ZC3H6: variants seen among roughly 807,000 people sequenced by gnomAD.
ZC3H6 encodes the protein zinc finger CCCH domain-containing protein 6.
A neutral mutation model predicts 107.7 loss-of-function variants in ZC3H6; 40 were observed. The observed-to-expected ratio is 0.37, with a 90% confidence interval of 0.29 to 0.48. The LOEUF is 0.48. Ranked by LOEUF, ZC3H6 falls within the 20% of genes least tolerant of loss-of-function variation. ZC3H6 has a pLI of 0.98. For missense variants in ZC3H6, 1,267 were observed against 1,410.4 expected (o/e 0.90, Z 1.63); for synonymous variants, 493 against 487.9 (o/e 1.01, Z -0.14).
intron 1 of ZC3H6, among the ~76,000 whole-genome samples, chr2:112,281,707 G>A (rs1686528937): frequency 6.6e-6 from 1 of 152,186 alleles, no homozygotes; most frequent in African/African-American, 2.4e-5. Context: ...CATTGATAGA[G>A]TTGGATATAA....
rs1553493702 is a variant in ZC3H6 at position 112,308,404 on chromosome 2, T to TTTTATTTTATTTA, written c.337-1474_337-1473insTATTTATTTATTT. On this transcript the variant is annotated intron_variant, in intron 3 of 11. Coordinates refer to ENST00000409871, the MANE Select transcript of ZC3H6 (RefSeq NM_198581.3). ...TTTGCCAGAGTAGTATTTTATTTTA[T>TTTTATTTTATTTA]TTTATTTATTTATTTATTTATTTAT... Among the ~76,000 whole-genome samples the TTTTATTTTATTTA allele has an allele frequency of 1.4e-3, 190 of 138,306 alleles. 1 individual carries two copies. Among genetic ancestry groups the TTTTATTTTATTTA allele is most frequent in the African/African-American group, 5.1e-3 (184 of 36,296 alleles). 90.7% of individuals were successfully genotyped at this position (138,306 alleles called of 152,430 possible).
At position 112,335,743 on chromosome 2, in the gene ZC3H6, GCA is replaced by G. The variant is rs950076178; in HGVS notation, c.*3257_*3258del. On this transcript the variant is annotated 3_prime_UTR_variant, in exon 12 of 12. Coordinates refer to ENST00000409871, the MANE Select transcript of ZC3H6 (RefSeq NM_198581.3). ...AATTTTACGAAGCTTCAGATGACATGCACTGGTGACACAACAGTAGAATTTCC... is the reference window on the plus strand; with the variant it reads ...AATTTTACGAAGCTTCAGATGACATGCTGGTGACACAACAGTAGAATTTCC... The G allele has an allele frequency of 6.6e-6, 1 of 152,110 alleles. No individual in the cohort carries two copies. Among genetic ancestry groups the G allele is most frequent in the African/African-American group, 2.4e-5 (1 of 41,412 alleles). The allele number at this position is 152,110 out of a possible 1,614,324, so 9.4% of individuals were successfully genotyped here.
In ZC3H6 at chr2:112,335,323, C is replaced by T. The variant is rs1174940831; in HGVS notation, c.*2835C>T. On this transcript the variant is annotated 3_prime_UTR_variant, in exon 12 of 12. Coordinates refer to ENST00000409871, the MANE Select transcript of ZC3H6 (RefSeq NM_198581.3). ...CTTATGTTTCTGTTTATCCTTTAGC[C>T]ATGGAACTTTAAAGAGTAGTGTTCC... 1.3e-5 allele frequency: 2 copies of T among 152,190 alleles called. No individual in the cohort carries two copies. The highest frequency in any genetic ancestry group is 2.9e-5 in the Non-Finnish European group (2 of 68,018). 9.4% of individuals were successfully genotyped at this position (152,190 alleles called of 1,614,324 possible).
In ZC3H6 at chr2:112,275,720, C is replaced by A; in HGVS notation, c.-275C>A. 2.4e-6 allele frequency: 1 copy of A among 413,928 alleles called. No homozygotes were observed. The highest frequency in any genetic ancestry group is 4.3e-6 in the Non-Finnish European group (1 of 233,620). The allele number at this position is 413,928 out of a possible 1,614,324, so 25.6% of individuals were successfully genotyped here. ...CCGCCCGCTCCCACGCCACAGCCAC[C>A]GGCGGCGAATAGAGACTAGAGCGGC... On this transcript the variant is annotated 5_prime_UTR_variant, in exon 1 of 12. Transcript: ENST00000409871.
At chr2:112,299,055 A>G (rs984124734) in intron 1 of ZC3H6, among the ~76,000 whole-genome samples, 3 of 152,154 alleles carry the variant, frequency 2.0e-5, no homozygotes, top group Non-Finnish European at 4.4e-5. Flanking sequence ...AGGCAGGCAG[A>G]TCACGAGGTC....
chr2:112,319,495 A>G (rs1037726568), intron 7 of ZC3H6, among the ~76,000 whole-genome samples: 20 of 151,998 alleles, frequency 1.3e-4, no homozygotes, highest in Non-Finnish European at 2.9e-5. Context: ...AAAATACACA[A>G]ATTAGTTGGG....
At chr2:112,281,367 C>T (rs987682740) in intron 1 of ZC3H6, among the ~76,000 whole-genome samples, 3 of 152,052 alleles carry the variant, frequency 2.0e-5, no homozygotes, top group Non-Finnish European at 2.9e-5. Flanking sequence ...TCTTGAGTGA[C>T]CTGGGAGCTA....
At position 112,299,902 on chromosome 2, in the gene ZC3H6, T is replaced by C; in HGVS notation, c.86T>C (p.Ile29Thr). ...ATAGACGATGCAGGATTTGAAGAAATACAAGAAAAAGAAGCAAAAGAGAAT... is the reference window on the plus strand; with the variant it reads ...ATAGACGATGCAGGATTTGAAGAAACACAAGAAAAAGAAGCAAAAGAGAAT... ...GEIDDAGFEE[I>T]QEKEAKENEK... The change falls in exon 2 of 12, where the codon ATA (isoleucine) becomes ACA (threonine). Residue 29 changes from isoleucine (I) to threonine (T), a missense_variant. This residue lies in a region of ZC3H6 where 337 missense variants were observed against 361.2 expected (regional missense o/e 0.93). Transcript: ENST00000409871. 6.7e-7 allele frequency: 1 copy of C among 1,484,948 alleles called. No individual in the cohort carries two copies. Among genetic ancestry groups the C allele is most frequent in the Non-Finnish European group, 8.9e-7 (1 of 1,117,862 alleles). 92.0% of individuals were successfully genotyped at this position (1,484,948 alleles called of 1,614,324 possible).
At chr2:112,276,105 G>T in intron 1 of ZC3H6, 79 bp downstream of exon 1, 1 of 1,364,344 alleles carries the variant, frequency 7.3e-7, no homozygotes, top group South Asian at 1.3e-5. Flanking sequence ...GGGGCCGGGC[G>T]CCTCCTGCAT....
Position 112,340,037 on chromosome 2 carries a change from T to C in ZC3H6, c.*7549T>C, listed in dbSNP as rs1433367103. ...CTGTATACCTTTCTATTGTCTGAAT[T>C]TAAATAAAAATGTTTCTAATAATAT... On this transcript the variant is annotated 3_prime_UTR_variant, in exon 12 of 12. Coordinates refer to ENST00000409871, the MANE Select transcript of ZC3H6 (RefSeq NM_198581.3). 6.6e-6 allele frequency: 1 copy of C among 152,256 alleles called. No homozygotes were observed. Among genetic ancestry groups the C allele is most frequent in the Non-Finnish European group, 1.5e-5 (1 of 68,044 alleles). The allele number at this position is 152,256 out of a possible 1,614,324, so 9.4% of individuals were successfully genotyped here. A position where few individuals can be genotyped will look rare whatever the true frequency, so the allele number is the denominator to read the frequency against.
At chr2:112,298,055 A>G (rs1175964943) in intron 1 of ZC3H6, among the ~76,000 whole-genome samples, 2 of 152,216 alleles carry the variant, frequency 1.3e-5, no homozygotes, top group Non-Finnish European at 2.9e-5. Context: ...TGGAGGTTGC[A>G]GTGAGCTGAG....
In ZC3H6 at chr2:112,275,866, A is replaced by T; in HGVS notation, c.-129A>T. 1 of 669,784 alleles carries T rather than the reference A, an allele frequency of 1.5e-6. No homozygotes were observed. Among genetic ancestry groups the T allele is most frequent in the Non-Finnish European group, 2.5e-6 (1 of 406,604 alleles). The allele number at this position is 669,784 out of a possible 1,614,324, so 41.5% of individuals were successfully genotyped here. A position where few individuals can be genotyped will look rare whatever the true frequency, so the allele number is the denominator to read the frequency against. On this transcript the variant is annotated 5_prime_UTR_variant, in exon 1 of 12. Transcript: ENST00000409871. ...CGCTCACTAGTAACCGTGAGTTTTT[A>T]CCACTTCGTCACCTGTCGGCGGCGG...
At chr2:112,315,723 G>A (rs1377589498) in intron 5 of ZC3H6, among the ~76,000 whole-genome samples, 1 of 152,006 alleles carries the variant, frequency 6.6e-6, no homozygotes, top group Non-Finnish European at 1.5e-5. Flanking sequence ...AGCCTCCCAA[G>A]TAGCTGAGAT....
intron 1 of ZC3H6, among the ~76,000 whole-genome samples, chr2:112,290,609 C>T (rs191457628): frequency 1.1e-3 from 159 of 150,210 alleles, no homozygotes; most frequent in African/African-American, 3.7e-3. Context: ...TGTATCCCCA[C>T]TGAGAACATG....
intron 7 of ZC3H6, among the ~76,000 whole-genome samples, chr2:112,320,065 T>C (rs1262537606): frequency 6.6e-6 from 1 of 152,178 alleles, no homozygotes; most frequent in Non-Finnish European, 1.5e-5. Context: ...CCCGAGTAGC[T>C]GGGATTACAG....
intron 11 of ZC3H6, among the ~76,000 whole-genome samples, chr2:112,328,954 A>C (rs1237447533): frequency 6.6e-6 from 1 of 151,876 alleles, no homozygotes; most frequent in Non-Finnish European, 1.5e-5. Context: ...AAAAAAAAAA[A>C]AGTAATCTTT....
At chr2:112,330,640 C>T (rs1484850891) in intron 11 of ZC3H6, among the ~76,000 whole-genome samples, 1 of 152,168 alleles carries the variant, frequency 6.6e-6, no homozygotes, top group Non-Finnish European at 1.5e-5. Flanking sequence ...ACCACACATA[C>T]AACACACATA....
At chr2:112,303,150 T>C (rs1305045837) in intron 2 of ZC3H6, 79 bp from the exon 3 acceptor site, 15 of 1,522,162 alleles carry the variant, frequency 9.9e-6, no homozygotes, top group Non-Finnish European at 1.3e-5. Flanking sequence ...TACCTCTGGC[T>C]GAAACAAGCT....
intron 11 of ZC3H6, among the ~76,000 whole-genome samples, chr2:112,328,426 G>A (rs572372879): frequency 3.9e-5 from 6 of 152,264 alleles, no homozygotes; most frequent in African/African-American, 1.2e-4. Context: ...GCTTTGGGTA[G>A]TATGGACATT....
Sources: allele counts gnomAD v4.1 joint callset (sites outside exome capture counted in the v4.1 genomes callset), GRCh38; gene constraint gnomAD v4.1.1; regional missense constraint gnomAD v4.1.1; transcripts MANE v1.5; gene names NCBI Gene and HGNC (gene_info 2026-07-23, HGNC 2026-07-21).